Variants in GALM observed in about 807,000 individuals in gnomAD.
The protein encoded by GALM is aldose 1-epimerase.
In GALM, 43 loss-of-function variants were observed where a neutral mutation model predicts 37.4. The observed-to-expected ratio is 1.15, with a 90% CI of 0.90 to 1.48. The LOEUF (loss-of-function observed/expected upper bound fraction) is 1.48. Among genes scored for constraint, GALM ranks in the 40% most tolerant of loss-of-function variants. The pLI, the probability that GALM is intolerant of heterozygous loss-of-function variation, is 0.00. For synonymous variants in GALM, 199 were observed against 170.6 expected (o/e 1.17, Z -1.30); for missense variants, 456 against 419.1 (o/e 1.09, Z -0.77).
chr2:38,680,803 G>C (rs190564677), intron 2 of GALM, among the ~76,000 whole-genome samples: 32 of 152,154 alleles, frequency 2.1e-4, no homozygotes, highest in Admixed American at 1.4e-3. Flanking sequence ...AGAGAATGGG[G>C]AGTGTGAGAA....
intron 1 of GALM, among the ~76,000 whole-genome samples, chr2:38,675,478 G>T (rs1307254525): frequency 1.3e-5 from 2 of 150,708 alleles, no homozygotes; most frequent in African/African-American, 4.9e-5. Flanking sequence ...GTCTGAAGAA[G>T]GTGAGGGACA....
Position 38,681,333 on chromosome 2 carries a change from T to A in GALM, c.399T>A (p.Ser133Arg), listed in dbSNP as rs763746469. ...LSNGVQFSRI[S>R]PDGEEGYPGE... ...ATGGCGTCCAGTTCTCGCGCATCAG[T>A]CCAGATGGTGAAGAAGGCTACCCCG... Residue 133 changes from serine (S) to arginine (R), a missense_variant, in exon 3 of 7, where the codon AGT becomes AGA. Physicochemically the swap from Ser to Arg is moderately radical, Grantham distance 110. Coordinates refer to ENST00000272252, the MANE Select transcript of GALM (RefSeq NM_138801.3). 1.7e-5 allele frequency: 28 copies of A among 1,613,802 alleles called. No homozygotes were observed. The South Asian group carries it at 3.1e-4, about 18-fold the overall frequency.
At chr2:38,727,737 A>AG (rs983184002) in intron 4 of GALM, among the ~76,000 whole-genome samples, 2 of 152,016 alleles carry the variant, frequency 1.3e-5, no homozygotes, top group African/African-American at 4.8e-5. Flanking sequence ...AAAAAAAAAA[A>AG]AAAGAAAAAG....
chr2:38,728,481 G>T (rs1486458312), intron 4 of GALM, among the ~76,000 whole-genome samples: 12 of 151,480 alleles, frequency 7.9e-5, no homozygotes, highest in Non-Finnish European at 1.5e-4. Flanking sequence ...CAGATCACCT[G>T]TCAGGAGTTC....
chr2:38,699,008 G>T (rs1665864778), intron 4 of GALM, among the ~76,000 whole-genome samples: 1 of 152,126 alleles, frequency 6.6e-6, no homozygotes, highest in South Asian at 2.1e-4. Flanking sequence ...CCGCCTCCTG[G>T]GTTCAAGCAA....
chr2:38,696,808 G>GAGAC (rs1665817425), intron 4 of GALM, among the ~76,000 whole-genome samples: 1 of 7,110 alleles, frequency 1.4e-4, no homozygotes, highest in Non-Finnish European at 3.0e-4. Context: ...TTTTTTTTTT[G>GAGAC]AGACAGAGTC....
intron 4 of GALM, among the ~76,000 whole-genome samples, chr2:38,729,209 A>C (rs982241263): frequency 6.6e-6 from 1 of 151,616 alleles, no homozygotes; most frequent in Admixed American, 6.6e-5. Context: ...TTGTTTTTTA[A>C]GACAGTCTCA....
intron 4 of GALM, among the ~76,000 whole-genome samples, chr2:38,715,662 G>C (rs1375745657): frequency 1.3e-5 from 2 of 152,046 alleles, no homozygotes; most frequent in Admixed American, 1.3e-4. Flanking sequence ...TGAACTCCTG[G>C]GTTCAAGTGA....
chr2:38,676,862 G>A (rs1424236097), intron 2 of GALM, among the ~76,000 whole-genome samples: 3 of 152,198 alleles, frequency 2.0e-5, no homozygotes, highest in African/African-American at 7.2e-5. Context: ...CACCATAGCT[G>A]CTGGTGTCCA....
At chr2:38,698,480 T>C (rs1010025552) in intron 4 of GALM, 2 of 1,019,960 alleles carry the variant, frequency 2.0e-6, no homozygotes, top group Admixed American at 3.1e-5. Context: ...TTAATTTAGC[T>C]CTGCGTCTTC....
rs7590750 is a variant in GALM at position 38,666,535 on chromosome 2, G to A, written c.190+184G>A. Among the ~76,000 whole-genome samples the A allele has an allele frequency of 0.24, 36,185 of 151,972 alleles. 6,351 individuals carry two copies. Among genetic ancestry groups the A allele is most frequent in the African/African-American group, 0.49 (20,295 of 41,324 alleles). ...GGCCATCCAGCATTTGGGAAAAACT[G>A]TAATAAATAAACTATGGCAGTTGGC... On this transcript the variant is annotated intron_variant, in intron 1 of 6. Transcript: ENST00000272252.
intron 1 of GALM, among the ~76,000 whole-genome samples, chr2:38,667,057 G>A (rs530181985): frequency 6.6e-6 from 1 of 152,248 alleles, no homozygotes; most frequent in South Asian, 2.1e-4. Context: ...CCACTCTTGC[G>A]GTTTGGCTGG....
At chr2:38,682,241 G>C (rs531560702) in intron 3 of GALM, 7 of 454,372 alleles carry the variant, frequency 1.5e-5, no homozygotes, top group African/African-American at 1.4e-4. Context: ...CCTCCTAAAG[G>C]TAACAGTTTA....
Position 38,704,103 on chromosome 2 carries a change from C to G in GALM, c.634+14209C>G, listed in dbSNP as rs143347791. Among the ~76,000 whole-genome samples, 1,197 of 151,914 alleles carry G rather than the reference C, an allele frequency of 7.9e-3. 15 individuals carry two copies. The highest frequency in any genetic ancestry group is 0.027 in the African/African-American group (1,124 of 41,496). The stretch of plus-strand genomic sequence containing the variant: ...AAAATCCTTTGTGAACTTGCTGCAT[C>G]ACCTTGGCCCACAAAGGGGGTTTTC... On this transcript the variant is annotated intron_variant, in intron 4 of 6. Transcript: ENST00000272252.
At chr2:38,717,485 C>T (rs1054413138) in intron 4 of GALM, among the ~76,000 whole-genome samples, 2 of 150,426 alleles carry the variant, frequency 1.3e-5, no homozygotes, top group Non-Finnish European at 1.5e-5. Context: ...CTGCAACCTC[C>T]GCCTCCTGGA....
At chr2:38,689,694 C>T in intron 3 of GALM, 119 bp from the exon 4 acceptor site, 2 of 650,436 alleles carry the variant, frequency 3.1e-6, no homozygotes. Flanking sequence ...TGACCATCAG[C>T]CAAACAAGAT....
At chr2:38,673,290 A>G (rs1008484709) in intron 1 of GALM, among the ~76,000 whole-genome samples, 19 of 152,230 alleles carry the variant, frequency 1.2e-4, no homozygotes, top group Admixed American at 7.2e-4. Context: ...TGACAGATAC[A>G]GAGTACCACG....
intron 4 of GALM, among the ~76,000 whole-genome samples, chr2:38,707,260 G>A (rs1224263027): frequency 3.9e-5 from 6 of 152,116 alleles, no homozygotes; most frequent in African/African-American, 1.4e-4. Flanking sequence ...ACAGCTGGAG[G>A]CATACATCAG....
chr2:38,677,708 C>T (rs1484188460), intron 2 of GALM, among the ~76,000 whole-genome samples: 1 of 152,174 alleles, frequency 6.6e-6, no homozygotes, highest in African/African-American at 2.4e-5. Flanking sequence ...CGTGAGTGTA[C>T]CTAGCCTTCA....
Sources: allele counts gnomAD v4.1 joint callset (sites outside exome capture counted in the v4.1 genomes callset), GRCh38; gene constraint gnomAD v4.1.1; transcripts MANE v1.5; gene names NCBI Gene and HGNC (gene_info 2026-07-23, HGNC 2026-07-21).